SNX9: variants seen among roughly 807,000 people sequenced by gnomAD.
SNX9 encodes sorting nexin-9.
SNX9 carries 44 observed loss-of-function variants against 89.4 expected under a neutral mutation model. The observed-to-expected ratio is 0.49, with a 90% CI of 0.39 to 0.63. SNX9 has a LOEUF of 0.63. SNX9 is among the 30% of genes least tolerant of loss of function. SNX9 has a pLI of 0.00. For synonymous variants in SNX9, 236 were observed against 247.8 expected (o/e 0.95, Z 0.45); for missense variants, 578 against 736.1 (o/e 0.79, Z 2.49).
In SNX9 at chr6:157,871,692, A is replaced by T. The variant is rs931778238; in HGVS notation, c.100-1410A>T. On this transcript the variant is annotated intron_variant, in intron 2 of 17. Transcript: ENST00000392185. ...TAAAGTATAATAATAATTTTTAAAA[A>T]TTTTTAAAAATGCTAGATGTGTATA... Among the ~76,000 whole-genome samples, 6 of 152,010 alleles carry T rather than the reference A, an allele frequency of 3.9e-5. No homozygotes were observed. The East Asian group carries it at 5.8e-4, about 15-fold the overall frequency.
At chr6:157,827,818 T>G (rs894194284) in intron 1 of SNX9, among the ~76,000 whole-genome samples, 1 of 151,192 alleles carries the variant, frequency 6.6e-6, no homozygotes, top group Non-Finnish European at 1.5e-5. Context: ...GCTTACATAG[T>G]CACCTTTAGG....
At chr6:157,864,667 G>A (rs779361661) in intron 1 of SNX9, among the ~76,000 whole-genome samples, 5 of 152,048 alleles carry the variant, frequency 3.3e-5, no homozygotes, top group Non-Finnish European at 5.9e-5. Flanking sequence ...CTTCCAGCCC[G>A]TCCCCTGCCC....
chr6:157,912,556 A>G (rs1783370414), intron 9 of SNX9, among the ~76,000 whole-genome samples: 1 of 152,244 alleles, frequency 6.6e-6, no homozygotes, highest in Admixed American at 6.5e-5. Flanking sequence ...CGAACAGCAC[A>G]GAAGGGCTCT....
chr6:157,910,057 C>T (rs201418103), intron 9 of SNX9, 32 bp downstream of exon 9: 2 of 1,522,412 alleles, frequency 1.3e-6, no homozygotes, highest in Middle Eastern at 1.7e-4. Context: ...CCCAGGATGA[C>T]AAATAGAAAG....
At chr6:157,845,062 G>C (rs1781778298) in intron 1 of SNX9, among the ~76,000 whole-genome samples, 1 of 150,932 alleles carries the variant, frequency 6.6e-6, no homozygotes, top group Non-Finnish European at 1.5e-5. Flanking sequence ...GCAATTTCAG[G>C]ATTACAGGCT....
intron 15 of SNX9, 79 bp downstream of exon 15, chr6:157,937,602 A>G (rs1783952686): frequency 1.1e-6 from 1 of 948,888 alleles, no homozygotes; most frequent in Non-Finnish European, 1.6e-6. Flanking sequence ...TATTGGTTTT[A>G]TATGTTTATT....
intron 17 of SNX9, among the ~76,000 whole-genome samples, chr6:157,942,408 C>T (rs985280443): frequency 3.9e-5 from 6 of 152,158 alleles, no homozygotes; most frequent in Non-Finnish European, 8.8e-5. Flanking sequence ...GTGGCCAGGG[C>T]GACACAACCT....
At chr6:157,902,469 A>G (rs1343143071) in intron 6 of SNX9, among the ~76,000 whole-genome samples, 1 of 152,048 alleles carries the variant, frequency 6.6e-6, no homozygotes, top group African/African-American at 2.4e-5. Context: ...TAGCCCTCAT[A>G]TCCCTTTGTG....
chr6:157,834,160 T>TTG (rs1402053212), intron 1 of SNX9, among the ~76,000 whole-genome samples: 58 of 98,362 alleles, frequency 5.9e-4, no homozygotes, highest in African/African-American at 2.4e-3. Flanking sequence ...GTTTTTTTTT[T>TTG]TTTTTTTTTT....
rs1554291784 is a variant in SNX9 at position 157,844,587 on chromosome 6, G to GTTTTTTTGTTTTTTTTTT, written c.12+21148_12+21149insGTTTTTTTTTTTTTTTTT. On this transcript the variant is annotated intron_variant, in intron 1 of 17. Transcript: ENST00000392185. ...ATTTTTAATCTTGTGGCTAATCCTT[G>GTTTTTTTGTTTTTTTTTT]TTTTTTTTTTTTGTTTTTTTTTTTG... is the stretch of plus-strand genomic sequence containing the variant. Among the ~76,000 whole-genome samples, 86 of 130,262 alleles carry GTTTTTTTGTTTTTTTTTT rather than the reference G, an allele frequency of 6.6e-4. 1 individual carries two copies. Among genetic ancestry groups the GTTTTTTTGTTTTTTTTTT allele is most frequent in the Non-Finnish European group, 8.4e-4 (52 of 61,858 alleles). 85.5% of individuals were successfully genotyped at this position (130,262 alleles called of 152,430 possible).
intron 4 of SNX9, among the ~76,000 whole-genome samples, chr6:157,876,562 C>T (rs1375513738): frequency 1.3e-5 from 2 of 152,190 alleles, no homozygotes; most frequent in Non-Finnish European, 2.9e-5. Context: ...TTCTGAATTA[C>T]AAATTAGACT....
At chr6:157,870,633 C>G (rs1311731255) in intron 2 of SNX9, among the ~76,000 whole-genome samples, 1 of 149,116 alleles carries the variant, frequency 6.7e-6, no homozygotes, top group Non-Finnish European at 1.5e-5. Flanking sequence ...CACACATACC[C>G]ACACTCTCCT....
At chr6:157,894,465 TAAAA>T (rs1173887333) in intron 4 of SNX9, among the ~76,000 whole-genome samples, 75 of 100,702 alleles carry the variant, frequency 7.4e-4, no homozygotes, top group Admixed American at 6.9e-3. Context: ...ATTTAAATGT[TAAAA>T]AAAAAAAAAA....
At chr6:157,913,855 C>T (rs1783403599) in intron 9 of SNX9, among the ~76,000 whole-genome samples, 1 of 152,150 alleles carries the variant, frequency 6.6e-6, no homozygotes, top group Non-Finnish European at 1.5e-5. Context: ...CAATAGTATT[C>T]CAGTGTTTAG....
At chr6:157,905,750 G>A (rs909612063) in intron 6 of SNX9, among the ~76,000 whole-genome samples, 1 of 152,202 alleles carries the variant, frequency 6.6e-6, no homozygotes, top group Non-Finnish European at 1.5e-5. Flanking sequence ...ATGCCAGCAT[G>A]TGGCTATTGC....
At chr6:157,898,375 C>T (rs1019461895) in intron 5 of SNX9, among the ~76,000 whole-genome samples, 2 of 152,326 alleles carry the variant, frequency 1.3e-5, no homozygotes, top group African/African-American at 2.4e-5. Context: ...CCCCTGCTGT[C>T]GCCCGTGGAT....
At chr6:157,939,859 G>A (rs374808418) in intron 16 of SNX9, among the ~76,000 whole-genome samples, 10 of 152,232 alleles carry the variant, frequency 6.6e-5, no homozygotes, top group South Asian at 4.1e-4. Context: ...CTGTGCAGCC[G>A]CTGGCTTTCT....
intron 4 of SNX9, among the ~76,000 whole-genome samples, chr6:157,882,056 C>T (rs573887580): frequency 6.6e-6 from 1 of 152,298 alleles, no homozygotes; most frequent in African/African-American, 2.4e-5. Flanking sequence ...GAAGCCAGTG[C>T]CTGCTTCAAA....
intron 1 of SNX9, among the ~76,000 whole-genome samples, chr6:157,837,422 C>T (rs1781608228): frequency 6.6e-6 from 1 of 152,184 alleles, no homozygotes; most frequent in South Asian, 2.1e-4. Context: ...ATGAAAATAA[C>T]TTTTAATTCA....
Sources: gnomAD v4.1 joint callset for allele counts (sites outside exome capture counted in the v4.1 genomes callset) on GRCh38, gnomAD v4.1.1 for gene constraint, MANE v1.5 for transcripts, NCBI Gene and HGNC (gene_info 2026-07-23, HGNC 2026-07-21) for gene names.